The following WT1 variants were observed in gnomAD, a reference collection of about 807,000 sequenced individuals.
WT1 encodes WT1 transcription factor, also known as Wilms tumor protein.
In WT1, 8 loss-of-function variants were observed where a neutral mutation model predicts 60.8. That is an observed-to-expected ratio of 0.13 (90% CI 0.08 to 0.24). WT1 has a LOEUF of 0.24. Ranked by LOEUF, WT1 falls within the 10% of genes least tolerant of loss-of-function variation. The probability of loss-of-function intolerance (pLI) is 1.00; values close to 1 mark genes in which losing one functional copy is unlikely to be tolerated. For synonymous variants in WT1, 312 were observed against 297.1 expected, an observed-to-expected ratio of 1.05 and a Z score of -0.52; for missense variants, 568 against 711.8, an observed-to-expected ratio of 0.80 and a Z score of 2.30.
rs771024882 is a variant in WT1, at chr11:32,434,720, T to G, written c.641A>C (p.Gln214Pro). 9.3e-6 allele frequency: 15 copies of G among 1,612,878 alleles called. No homozygotes were observed. Among genetic ancestry groups the G allele is most frequent in the African/African-American group, 1.3e-5 (1 of 74,942 alleles). The change falls in exon 1 of 10, where the codon CAG (glutamine) becomes CCG (proline). Residue 214 changes from glutamine (Q) to proline (P), a missense_variant. Transcript: ENST00000452863. Reference sequence around the variant, plus strand: ...CTTACCCTGATTGCGAATAGCGGGCTGGCTCTCGAGGCAGCTGGGCAGGTA... The same window carrying G: ...CTTACCCTGATTGCGAATAGCGGGCGGGCTCTCGAGGCAGCTGGGCAGGTA...
At chr11:32,426,583 G>A (rs1043758764) in intron 3 of WT1, among the ~76,000 whole-genome samples, 5 of 152,148 alleles carry the variant, frequency 3.3e-5, no homozygotes, top group African/African-American at 4.8e-5. Flanking sequence ...GGATGGGGAG[G>A]TGCGACCATT....
chr11:32,423,791 A>C (rs944980222), intron 3 of WT1, among the ~76,000 whole-genome samples: 1 of 152,178 alleles, frequency 6.6e-6, no homozygotes, highest in African/African-American at 2.4e-5. Context: ...AAATAAGTCA[A>C]CACTTGTAAA....
chr11:32,416,741 G>A (rs556436650), intron 4 of WT1, among the ~76,000 whole-genome samples: 77 of 152,342 alleles, frequency 5.1e-4, no homozygotes, highest in African/African-American at 1.8e-3. Context: ...AAGAGCTTGG[G>A]CTTTGGAATC....
At chr11:32,415,035 T>A (rs969170239) in intron 5 of WT1, among the ~76,000 whole-genome samples, 13 of 152,220 alleles carry the variant, frequency 8.5e-5, no homozygotes, top group Non-Finnish European at 1.6e-4. Context: ...TTCTGCCTCC[T>A]CAGCAAGTGA....
chr11:32,417,344 A>G, intron 4 of WT1: 1 of 554,738 alleles, frequency 1.8e-6, no homozygotes, highest in Non-Finnish European at 3.2e-6. Flanking sequence ...GACCATAATA[A>G]GTGTCCTCAA....
At chr11:32,428,462 G>A (rs1184417121) in intron 2 of WT1, 35 bp downstream of exon 2, 1 of 1,613,610 alleles carries the variant, frequency 6.2e-7, no homozygotes, top group South Asian at 1.1e-5. Context: ...CACGGAAGAA[G>A]GGGAGAAGGA....
chr11:32,406,133 G>A (rs78481194), intron 5 of WT1, among the ~76,000 whole-genome samples: 2 of 152,240 alleles, frequency 1.3e-5, no homozygotes, highest in East Asian at 1.9e-4. Flanking sequence ...CTACTTGGAG[G>A]CACAACATGT....
Position 32,388,750 on chromosome 11 carries a change from G to A in WT1, c.*308C>T. 2.1e-6 allele frequency: 1 copy of A among 470,698 alleles called. No homozygotes were observed. The highest frequency in any genetic ancestry group is 2.5e-5 in the South Asian group (1 of 39,724). 29.2% of individuals were successfully genotyped at this position (470,698 alleles called of 1,614,324 possible). A position where few individuals can be genotyped will look rare whatever the true frequency, so the allele number is the denominator to read the frequency against. On this transcript the variant is annotated 3_prime_UTR_variant, in exon 10 of 10. Coordinates refer to ENST00000452863, the MANE Select transcript of WT1 (RefSeq NM_024426.6). ...TAAAAAAAGAAGGGAAGGGTCAGGG[G>A]GACATGATCAGCTATGGCTCTTCTT...
chr11:32,423,560 T>C (rs1377256667), intron 3 of WT1, among the ~76,000 whole-genome samples: 1 of 152,248 alleles, frequency 6.6e-6, no homozygotes, highest in Non-Finnish European at 1.5e-5. Context: ...TGAGGACAGA[T>C]GCCACCTTCA....
chr11:32,391,052 C>T (rs544295202), intron 9 of WT1, among the ~76,000 whole-genome samples: 12 of 152,238 alleles, frequency 7.9e-5, no homozygotes, highest in African/African-American at 2.9e-4. Flanking sequence ...GATCACAGCT[C>T]ACTGCAGCCT....
chr11:32,400,157 A>G (rs1852109994), intron 5 of WT1, 113 bp from the exon 6 acceptor site: 1 of 1,391,634 alleles, frequency 7.2e-7, no homozygotes, highest in Non-Finnish European at 1.0e-6. Flanking sequence ...GAACAAAAAT[A>G]GTTGGTTTTT....
intron 5 of WT1, among the ~76,000 whole-genome samples, chr11:32,409,783 T>A (rs751564174): frequency 6.6e-6 from 1 of 152,034 alleles, no homozygotes; most frequent in Non-Finnish European, 1.5e-5. Flanking sequence ...TACTAGATGA[T>A]CTATCCCAGC....
chr11:32,398,101 G>A (rs777879667), intron 6 of WT1, among the ~76,000 whole-genome samples: 3 of 152,152 alleles, frequency 2.0e-5, no homozygotes, highest in Non-Finnish European at 2.9e-5. Context: ...TCCCTAAACC[G>A]TCGTCAGATT....
intron 5 of WT1, among the ~76,000 whole-genome samples, chr11:32,404,807 A>C (rs973297173): frequency 6.6e-6 from 1 of 152,174 alleles, no homozygotes; most frequent in African/African-American, 2.4e-5. Context: ...CGTGTCTTGC[A>C]TACCACTAAC....
intron 5 of WT1, among the ~76,000 whole-genome samples, chr11:32,409,640 T>C (rs899885065): frequency 6.6e-6 from 1 of 152,090 alleles, no homozygotes; most frequent in East Asian, 1.9e-4. Flanking sequence ...AATTTTTTTG[T>C]TTTCTATAGA....
chr11:32,406,500 G>A (rs1359822996), intron 5 of WT1, among the ~76,000 whole-genome samples: 1 of 152,088 alleles, frequency 6.6e-6, no homozygotes, highest in Non-Finnish European at 1.5e-5. Flanking sequence ...ATTCCTAACT[G>A]GCCACAGACC....
intron 3 of WT1, among the ~76,000 whole-genome samples, chr11:32,420,030 C>G (rs997553748): frequency 1.1e-4 from 16 of 152,138 alleles, no homozygotes; most frequent in African/African-American, 3.9e-4. Context: ...CCTCAGAAGG[C>G]AAATCTTCTC....
In WT1 at chr11:32,434,872, G is replaced by T. The variant is rs908414065; in HGVS notation, c.489C>A (p.Ser163Arg). The change falls in exon 1 of 10, where the codon AGC becomes AGA. Residue 163 changes from serine (S) to arginine (R), a missense_variant. This residue lies in a region of WT1 where 523 missense variants were observed against 565.1 expected (regional missense o/e 0.93). Transcript: ENST00000452863. ...GGCCGGAAAAGTGGACAGTGAAGGC[G>T]CTCAGGCACTGCTCCTCGTGCGGCT... 6.2e-7 allele frequency: 1 copy of T among 1,612,374 alleles called. No homozygotes were observed. The highest frequency in any genetic ancestry group is 1.3e-5 in the African/African-American group (1 of 74,938).
chr11:32,391,496 T>C (rs1414351778), intron 9 of WT1, among the ~76,000 whole-genome samples: 1 of 152,206 alleles, frequency 6.6e-6, no homozygotes, highest in African/African-American at 2.4e-5. Flanking sequence ...ATCCACACAC[T>C]GATACTGGTC....
Sources: allele counts gnomAD v4.1 joint callset (sites outside exome capture counted in the v4.1 genomes callset), GRCh38; gene constraint gnomAD v4.1.1; regional missense constraint gnomAD v4.1.1; transcripts MANE v1.5; gene names NCBI Gene and HGNC (gene_info 2026-07-23, HGNC 2026-07-21).